The following WDR59 variants were observed in gnomAD, a reference collection of about 807,000 sequenced individuals.
WDR59 encodes GATOR2 complex protein WDR59.
A neutral mutation model predicts 131.2 loss-of-function variants in WDR59; 100 were observed. The ratio of observed to expected loss-of-function variants is 0.76; its 90% CI spans 0.65 to 0.90. The LOEUF (loss-of-function observed/expected upper bound fraction) is 0.90. Ranked by LOEUF, WDR59 falls within the 40% of genes least tolerant of loss-of-function variation. WDR59 has a pLI of 0.00. For missense variants in WDR59, 1,203 were observed against 1,262.2 expected (o/e 0.95, Z 0.71); for synonymous variants, 601 against 466.2 (o/e 1.29, Z -3.72).
intron 3 of WDR59, 107 bp downstream of exon 3, chr16:74,956,368 C>T: frequency 7.2e-7 from 1 of 1,391,408 alleles, no homozygotes; most frequent in Non-Finnish European, 9.5e-7. Flanking sequence ...ACCTCTTTTC[C>T]AAATGAGCAA....
intron 6 of WDR59, among the ~76,000 whole-genome samples, chr16:74,947,059 G>A (rs1349559540): frequency 6.6e-6 from 1 of 152,140 alleles, no homozygotes; most frequent in Admixed American, 6.5e-5. Context: ...TTCCCTAGTA[G>A]CCCCAGTTGA....
chr16:74,936,145 G>A (rs569628278), intron 8 of WDR59, among the ~76,000 whole-genome samples: 2 of 152,210 alleles, frequency 1.3e-5, no homozygotes, highest in African/African-American at 4.8e-5. Flanking sequence ...GCCTCCCAAA[G>A]TGCTGGGATT....
At chr16:74,902,034 C>T (rs1186244733) in intron 18 of WDR59, among the ~76,000 whole-genome samples, 1 of 152,138 alleles carries the variant, frequency 6.6e-6, no homozygotes, top group Non-Finnish European at 1.5e-5. Context: ...CAAATATCAG[C>T]AATTTCGTAT....
intron 6 of WDR59, among the ~76,000 whole-genome samples, chr16:74,946,962 TC>T (rs1387979966): frequency 1.3e-5 from 2 of 152,192 alleles, no homozygotes; most frequent in Admixed American, 1.3e-4. Flanking sequence ...ATAAAGGATG[TC>T]AAAATATTGA....
intron 18 of WDR59, among the ~76,000 whole-genome samples, chr16:74,898,317 G>T (rs768828097): frequency 6.8e-6 from 1 of 147,254 alleles, no homozygotes; most frequent in African/African-American, 2.7e-5. Context: ...CTTAAATATG[G>T]ATACCTCTCT....
chr16:74,880,844 C>G (rs1461667515), intron 25 of WDR59, among the ~76,000 whole-genome samples: 2 of 152,236 alleles, frequency 1.3e-5, no homozygotes, highest in South Asian at 4.1e-4. Flanking sequence ...CAGGGTCATA[C>G]AGCTCCAGTT....
chr16:74,960,317 C>A (rs1461044299), intron 2 of WDR59, among the ~76,000 whole-genome samples: 2 of 151,390 alleles, frequency 1.3e-5, no homozygotes, highest in Non-Finnish European at 2.9e-5. Flanking sequence ...GGCAACAGAG[C>A]GAAACTCCAT....
intron 1 of WDR59, among the ~76,000 whole-genome samples, chr16:74,983,760 G>C (rs538631459): frequency 6.6e-6 from 1 of 152,034 alleles, no homozygotes; most frequent in Non-Finnish European, 1.5e-5. Flanking sequence ...GGGTTCGCTT[G>C]AGCCCAGGAG....
At chr16:74,904,553 C>T (rs972131622) in intron 17 of WDR59, among the ~76,000 whole-genome samples, 7 of 152,126 alleles carry the variant, frequency 4.6e-5, no homozygotes, top group African/African-American at 7.2e-5. Flanking sequence ...AAATATACCA[C>T]GCAAGGATTG....
At chr16:74,954,351 T>A (rs1293481710) in intron 3 of WDR59, among the ~76,000 whole-genome samples, 5 of 151,474 alleles carry the variant, frequency 3.3e-5, no homozygotes, top group South Asian at 2.1e-4. Context: ...GAGGTTGTGG[T>A]GAGCCGAGAT....
At chr16:74,902,636 G>A (rs1210061194) in intron 18 of WDR59, among the ~76,000 whole-genome samples, 1 of 152,046 alleles carries the variant, frequency 6.6e-6, no homozygotes, top group African/African-American at 2.4e-5. Flanking sequence ...CTGCCTCTTG[G>A]ATTGAAAGAC....
chr16:74,984,114 T>C (rs2034531137), intron 1 of WDR59, among the ~76,000 whole-genome samples: 1 of 151,428 alleles, frequency 6.6e-6, no homozygotes, highest in Non-Finnish European at 1.5e-5. Flanking sequence ...CCGTCTCTAC[T>C]AAAAATACAA....
chr16:74,945,292 C>A (rs533329288), intron 6 of WDR59, among the ~76,000 whole-genome samples: 2 of 151,096 alleles, frequency 1.3e-5, no homozygotes, highest in Non-Finnish European at 2.9e-5. Context: ...CTGGCTAACA[C>A]AGTGAAACCC....
intron 20 of WDR59, 89 bp from the exon 21 acceptor site, chr16:74,889,904 C>T: frequency 1.1e-6 from 1 of 933,284 alleles, no homozygotes; most frequent in South Asian, 1.7e-5. Context: ...CCATATAAAA[C>T]CTGATGCCTT....
intron 25 of WDR59, among the ~76,000 whole-genome samples, chr16:74,879,049 A>G (rs112753925): frequency 0.018 from 2,713 of 152,172 alleles, 59 homozygotes; most frequent in African/African-American, 0.058. Context: ...CTGAATACCA[A>G]CTTTCCAAAT....
chr16:74,889,729 T>C lies in WDR59; in HGVS notation c.2169A>G (p.Pro723=), dbSNP rs1289676197. 5.6e-6 allele frequency: 9 copies of C among 1,614,114 alleles called. No homozygotes were observed. Among genetic ancestry groups the C allele is most frequent in the Non-Finnish European group, 6.8e-6 (8 of 1,180,008 alleles). ...PDLETPWARH[P]FGRQLLESLL... is the part of the protein sequence containing the mutation. ...GGGACTCCAGCAGCTGCCGCCCAAA[T>C]GGATGTCGAGCCCAGGGTGTTTCCA... The change falls in exon 21 of 26, where the codon CCA becomes CCG. Residue 723 remains proline (P), a synonymous_variant. Coordinates refer to ENST00000262144, the MANE Select transcript of WDR59 (RefSeq NM_030581.4).
At chr16:74,925,867 CCTAG>C (rs2030737869) in intron 8 of WDR59, among the ~76,000 whole-genome samples, 1 of 151,854 alleles carries the variant, frequency 6.6e-6, no homozygotes, top group Admixed American at 6.6e-5. Context: ...TGTCTCCTCA[CCTAG>C]CTGATTGGGA....
At chr16:74,963,256 A>T (rs567266104) in intron 2 of WDR59, 9 of 152,332 alleles carry the variant, frequency 5.9e-5, no homozygotes, top group African/African-American at 2.2e-4. Flanking sequence ...GTCTTCAAAA[A>T]AAAATACAAA....
chr16:74,908,772 C>G, intron 17 of WDR59, 136 bp downstream of exon 17: 3 of 632,526 alleles, frequency 4.7e-6, no homozygotes, highest in South Asian at 4.5e-5. Context: ...CAATCTTTCT[C>G]AAATAAATCT....
Sources: gnomAD v4.1 joint callset for allele counts (sites outside exome capture counted in the v4.1 genomes callset) on GRCh38, gnomAD v4.1.1 for gene constraint, MANE v1.5 for transcripts, NCBI Gene and HGNC (gene_info 2026-07-23, HGNC 2026-07-21) for gene names.